The following ENKUR variants were observed in gnomAD, a reference collection of about 807,000 sequenced individuals.
ENKUR encodes the protein enkurin.
In ENKUR, 19 loss-of-function variants were observed where a neutral mutation model predicts 27.6. The observed-to-expected ratio is 0.69, with a 90% CI of 0.48 to 1.01. ENKUR has a LOEUF of 1.01. Ranked by LOEUF, ENKUR falls within the 50% of genes least tolerant of loss-of-function variation. ENKUR has a pLI of 0.00. For synonymous variants in ENKUR, 117 were observed against 96.9 expected, an observed-to-expected ratio of 1.21 and a Z score of -1.22; for missense variants, 312 against 310.5, an observed-to-expected ratio of 1.00 and a Z score of -0.04.
chr10:24,990,345 A>C, intron 4 of ENKUR, 118 bp downstream of exon 4: 7 of 1,341,608 alleles, frequency 5.2e-6, no homozygotes, highest in Non-Finnish European at 7.0e-6. Flanking sequence ...TGTAACCCAA[A>C]GAGATTGTTC....
At chr10:24,993,263 T>C (rs1380073337) in intron 3 of ENKUR, among the ~76,000 whole-genome samples, 1 of 152,210 alleles carries the variant, frequency 6.6e-6, no homozygotes, top group East Asian at 1.9e-4. Flanking sequence ...GGCTAATGCA[T>C]ACTGTTAATA....
chr10:25,024,137 T>C, intron 2 of ENKUR: 2 of 1,614,172 alleles, frequency 1.2e-6, no homozygotes, highest in Non-Finnish European at 1.7e-6. Context: ...CCTGCAGACA[T>C]ACCTGCTGCC....
chr10:25,037,478 A>T (rs1851020867), intron 2 of ENKUR, among the ~76,000 whole-genome samples: 1 of 152,240 alleles, frequency 6.6e-6, no homozygotes, highest in Non-Finnish European at 1.5e-5. Context: ...TGTCTAGCTC[A>T]TCAAACATTT....
intron 2 of ENKUR, among the ~76,000 whole-genome samples, chr10:25,047,456 A>G (rs115637195): frequency 0.046 from 6,965 of 152,260 alleles, 521 homozygotes; most frequent in African/African-American, 0.16. Context: ...AGAAGAGCTA[A>G]CAAGTAAAGT....
intron 1 of ENKUR, among the ~76,000 whole-genome samples, chr10:25,001,064 G>A (rs1850179613): frequency 6.6e-6 from 1 of 151,868 alleles, no homozygotes; most frequent in Non-Finnish European, 1.5e-5. Context: ...ATAAATAATT[G>A]TGATTATGTT....
rs770714996 is a variant in ENKUR at position 25,024,235 on chromosome 10, T to C, written c.38-28366A>G. ...TGTCAGGCACCTTTCAGGCAACCAG[T>C]TCATCCTGGAGTTGTTTCATGGACC... On this transcript the variant is annotated intron_variant, in intron 2 of 5. Coordinates refer to the ENKUR transcript ENST00000615958. The C allele has an allele frequency of 4.3e-6, 7 of 1,614,228 alleles. No homozygotes were observed. The East Asian group carries it at 1.3e-4, about 31-fold the overall frequency.
chr10:24,986,538 T>A (rs968283755), intron 4 of ENKUR, among the ~76,000 whole-genome samples: 1 of 152,238 alleles, frequency 6.6e-6, no homozygotes, highest in African/African-American at 2.4e-5. Flanking sequence ...GTTCCCACAG[T>A]GCTCCACAGG....
chr10:25,056,039 G>A (rs1352208872), intron 2 of ENKUR, among the ~76,000 whole-genome samples: 1 of 140,588 alleles, frequency 7.1e-6, no homozygotes, highest in African/African-American at 2.4e-5. Context: ...AGGGCCATTT[G>A]GAGTATCTAC....
chr10:25,005,355 C>T (rs1185325379), intron 1 of ENKUR, among the ~76,000 whole-genome samples: 1 of 152,080 alleles, frequency 6.6e-6, no homozygotes, highest in Admixed American at 6.6e-5. Flanking sequence ...TAGTAAGTCC[C>T]ATCATTAAGA....
intron 2 of ENKUR, among the ~76,000 whole-genome samples, chr10:25,030,140 C>T (rs985885101): frequency 6.6e-6 from 1 of 152,258 alleles, no homozygotes; most frequent in Middle Eastern, 3.4e-3. Context: ...TATAGGGTCT[C>T]TCTAGTCACC....
chr10:24,994,104 C>T (rs1849987252), intron 3 of ENKUR, among the ~76,000 whole-genome samples: 1 of 152,100 alleles, frequency 6.6e-6, no homozygotes, highest in East Asian at 1.9e-4. Context: ...CTGAAAACAG[C>T]CTTGAGGGTC....
chr10:24,990,677 A>C, intron 3 of ENKUR, 68 bp from the exon 4 acceptor site: 1 of 1,416,838 alleles, frequency 7.1e-7, no homozygotes, highest in Non-Finnish European at 9.6e-7. Context: ...GTACGTATCA[A>C]CTGATGATGG....
chr10:25,019,304 T>G (rs1042204950), upstream of ENKUR, among the ~76,000 whole-genome samples: 6 of 152,102 alleles, frequency 3.9e-5, no homozygotes, highest in Admixed American at 3.3e-4. Flanking sequence ...CGAAACCCCC[T>G]CTCTACTAAA....
At chr10:25,024,919 A>G in intron 2 of ENKUR, 3 of 1,613,956 alleles carry the variant, frequency 1.9e-6, no homozygotes, top group Non-Finnish European at 1.7e-6. Flanking sequence ...GTCAATAGAT[A>G]TTCTCAAATC....
chr10:25,033,604 A>T (rs1376385769), intron 2 of ENKUR, among the ~76,000 whole-genome samples: 1 of 152,138 alleles, frequency 6.6e-6, no homozygotes, highest in African/African-American at 2.4e-5. Flanking sequence ...TGCAGGAAAC[A>T]GTTCAAAAAT....
At chr10:25,004,421 A>G (rs926380882) in intron 1 of ENKUR, among the ~76,000 whole-genome samples, 4 of 152,080 alleles carry the variant, frequency 2.6e-5, no homozygotes, top group African/African-American at 9.7e-5. Flanking sequence ...CTTTTTCTCC[A>G]CAACCTCACC....
rs768952383 is a variant in ENKUR at position 25,023,883 on chromosome 10, T to G, written c.38-28014A>C. ...TAGCTGACAAAGTGCTGAATGCAAT[T>G]AAAAGATACCAAGATGTGGACTCGG... On this transcript the variant is annotated intron_variant, in intron 2 of 5. Coordinates refer to the ENKUR transcript ENST00000615958. The G allele has an allele frequency of 1.1e-5, 18 of 1,614,028 alleles. No homozygotes were observed. The highest frequency in any genetic ancestry group is 1.6e-4 in the Middle Eastern group (1 of 6,082).
chr10:25,052,912 G>T (rs1218451533), intron 2 of ENKUR, among the ~76,000 whole-genome samples: 2 of 151,966 alleles, frequency 1.3e-5, no homozygotes, highest in Admixed American at 6.6e-5. Flanking sequence ...TAGGATTACA[G>T]GCATGCGCCA....
intron 4 of ENKUR, among the ~76,000 whole-genome samples, chr10:24,988,274 A>ATTTATATG (rs1849826339): frequency 2.1e-5 from 3 of 141,622 alleles, no homozygotes; most frequent in African/African-American, 8.2e-5. Context: ...ATTTATATAT[A>ATTTATATG]TGTGTATATA....
Sources: gnomAD v4.1 joint callset for allele counts (sites outside exome capture counted in the v4.1 genomes callset) on GRCh38, gnomAD v4.1.1 for gene constraint, MANE v1.5 for transcripts, NCBI Gene and HGNC (gene_info 2026-07-23, HGNC 2026-07-21) for gene names.